The following FOSL2 variants were observed in gnomAD, a reference collection of about 807,000 sequenced individuals.
The protein encoded by FOSL2 is fos-related antigen 2.
FOSL2 carries 3 observed loss-of-function variants against 27.7 expected under a neutral mutation model. The ratio of observed to expected loss-of-function variants is 0.11; its 90% CI spans 0.05 to 0.28. The LOEUF (loss-of-function observed/expected upper bound fraction) is 0.28, where lower values mean the gene tolerates loss of function less well. Among genes scored for constraint, FOSL2 ranks in the 10% least tolerant of loss-of-function variants. FOSL2 has a pLI of 1.00. For missense variants in FOSL2, 333 were observed against 445.1 expected (o/e 0.75, Z 2.27); for synonymous variants, 179 against 190.1 (o/e 0.94, Z 0.48).
chr2:28,393,399 G>C lies in FOSL2; in HGVS notation c.-322G>C. The C allele has an allele frequency of 3.1e-6, 1 of 324,436 alleles. No individual in the cohort carries two copies. Among genetic ancestry groups the C allele is most frequent in the African/African-American group, 2.2e-5 (1 of 45,294 alleles). The allele number at this position is 324,436 out of a possible 1,614,324, so 20.1% of individuals were successfully genotyped here. On this transcript the variant is annotated 5_prime_UTR_variant, in exon 1 of 4. Transcript: ENST00000264716. This position sits in a 1 kb window ranked among gnomAD's most constrained non-coding sequence, Gnocchi z 4.6. ...TGGGTCCCCGCTGAGCTCCGGCTGC[G>C]CGCGGGGGCGGGAGGGCGCGCGCAG... is the stretch of plus-strand genomic sequence containing the variant.
intron 1 of FOSL2, among the ~76,000 whole-genome samples, chr2:28,396,545 G>A (rs1286846225): frequency 6.6e-6 from 1 of 151,704 alleles, no homozygotes; most frequent in Middle Eastern, 3.2e-3. Context: ...TGACTATTAC[G>A]GTTTCAGGGC....
At chr2:28,394,179 G>T (rs1663756165) in intron 1 of FOSL2, among the ~76,000 whole-genome samples, 1 of 145,394 alleles carries the variant, frequency 6.9e-6, no homozygotes, top group Admixed American at 7.2e-5. Context: ...CTCTCTGGGT[G>T]GTGGACAGAC....
chr2:28,397,009 C>A (rs966864822), intron 1 of FOSL2: 1 of 152,074 alleles, frequency 6.6e-6, no homozygotes, highest in Non-Finnish European at 1.5e-5. Flanking sequence ...TTTTTCCAGT[C>A]CCAGAGAGTG....
At chr2:28,394,255 T>A (rs1468793349) in intron 1 of FOSL2, among the ~76,000 whole-genome samples, 2 of 148,790 alleles carry the variant, frequency 1.3e-5, no homozygotes, top group African/African-American at 2.5e-5. Context: ...AGGAAAGCCC[T>A]CTCTCTCTCC....
At position 28,413,551 on chromosome 2, in the gene FOSL2, A is replaced by G. The variant is rs1414861024; in HGVS notation, c.*1103A>G. The G allele has an allele frequency of 5.0e-6, 2 of 398,568 alleles. No homozygotes were observed. The highest frequency in any genetic ancestry group is 2.1e-5 in the African/African-American group (1 of 48,608). 24.7% of individuals were successfully genotyped at this position (398,568 alleles called of 1,614,324 possible). On this transcript the variant is annotated 3_prime_UTR_variant, in exon 4 of 4. Coordinates refer to ENST00000264716, the MANE Select transcript of FOSL2 (RefSeq NM_005253.4). The stretch of plus-strand genomic sequence containing the variant: ...GCCCCTCCCCAAGCCTCAAAGAAGC[A>G]TTTGCTGAGGATGGAGAGGCAGGGG...
intron 2 of FOSL2, among the ~76,000 whole-genome samples, chr2:28,405,813 C>T (rs1209286578): frequency 2.0e-5 from 3 of 152,202 alleles, no homozygotes; most frequent in Non-Finnish European, 4.4e-5. Flanking sequence ...CAGTATCCTC[C>T]TCACAGTTGC....
At chr2:28,397,526 G>A (rs1169183610) in intron 1 of FOSL2, among the ~76,000 whole-genome samples, 1 of 152,180 alleles carries the variant, frequency 6.6e-6, no homozygotes, top group Non-Finnish European at 1.5e-5. Context: ...AGGGAATGGG[G>A]TGAAATAGCA....
At chr2:28,397,456 C>T (rs1663870979) in intron 1 of FOSL2, among the ~76,000 whole-genome samples, 1 of 152,002 alleles carries the variant, frequency 6.6e-6, no homozygotes, top group Non-Finnish European at 1.5e-5. Flanking sequence ...AATGTTATCC[C>T]AAGAATTTGT....
At chr2:28,409,770 C>T (rs548881882) in intron 3 of FOSL2, among the ~76,000 whole-genome samples, 38 of 152,270 alleles carry the variant, frequency 2.5e-4, no homozygotes, top group East Asian at 1.4e-3. Flanking sequence ...GATGGAGTTT[C>T]GCTCTTGTCG....
At position 28,414,550 on chromosome 2, in the gene FOSL2, G is replaced by C. The variant is rs1336705656; in HGVS notation, c.*2102G>C. On this transcript the variant is annotated 3_prime_UTR_variant, in exon 4 of 4. Transcript: ENST00000264716. ...AGCAGGAGATGGGCAAAGAAAACTGGGGTGCACTCAGCTCTCACAGGGGTA... is the reference window on the plus strand; with the variant it reads ...AGCAGGAGATGGGCAAAGAAAACTGCGGTGCACTCAGCTCTCACAGGGGTA... The C allele has an allele frequency of 1.3e-5, 2 of 152,110 alleles. No individual in the cohort carries two copies. Among genetic ancestry groups the C allele is most frequent in the Admixed American group, 1.3e-4 (2 of 15,276 alleles). 9.4% of individuals were successfully genotyped at this position (152,110 alleles called of 1,614,324 possible).
chr2:28,410,506 C>T (rs1438818913), intron 3 of FOSL2: 1 of 984,486 alleles, frequency 1.0e-6, no homozygotes, highest in South Asian at 4.7e-5. Flanking sequence ...GTTCGTCAGA[C>T]CCTTGAGACA....
chr2:28,411,709 AGTT>A (rs1246069631), intron 3 of FOSL2, among the ~76,000 whole-genome samples: 2 of 150,948 alleles, frequency 1.3e-5, no homozygotes, highest in East Asian at 1.9e-4. Flanking sequence ...TGGCAGCTGC[AGTT>A]GTTGTCTTAC....
At chr2:28,401,110 T>G in intron 1 of FOSL2, among the ~76,000 whole-genome samples, 1 of 151,954 alleles carries the variant, frequency 6.6e-6, no homozygotes, top group Non-Finnish European at 1.5e-5. Flanking sequence ...CTGGCACTTC[T>G]CCCCAGAGCC....
rs1232311729 is a variant in FOSL2 at position 28,404,308 on chromosome 2, G to A, written c.304G>A (p.Val102Met). The change falls in exon 2 of 4, where the codon GTG becomes ATG. Residue 102 changes from valine (V) to methionine (M), a missense_variant. Transcript: ENST00000264716. The surrounding 1 kb of genome is among the most constrained non-coding windows in gnomAD (Gnocchi z 4.7). ...ACACATGGCCCTCCCAAGACCTGGCGTGATCAAGACCATTGGCACCACCGT... is the reference window on the plus strand; with the variant it reads ...ACACATGGCCCTCCCAAGACCTGGCATGATCAAGACCATTGGCACCACCGT... ...PGHMALPRPG[V>M]IKTIGTTVGR... 5.0e-6 allele frequency: 8 copies of A among 1,614,136 alleles called. No homozygotes were observed. Among genetic ancestry groups the A allele is most frequent in the Admixed American group, 1.7e-5 (1 of 60,028 alleles).
intron 1 of FOSL2, among the ~76,000 whole-genome samples, chr2:28,400,292 G>A (rs1039823): frequency 0.53 from 80,886 of 152,052 alleles, 22,923 homozygotes; most frequent in African/African-American, 0.72. Flanking sequence ...TAACTCGTCC[G>A]TAGAGAACCA....
In FOSL2 at chr2:28,414,169, A is replaced by T. The variant is rs1387318616; in HGVS notation, c.*1721A>T. On this transcript the variant is annotated 3_prime_UTR_variant, in exon 4 of 4. Transcript: ENST00000264716. ...AGGTCACAGTATCCTCGTTTGAAAG[A>T]TAATTAAGATCCCCCGTGGAGAAAG... 4.2e-6 allele frequency: 1 copy of T among 239,864 alleles called. No homozygotes were observed. Among genetic ancestry groups the T allele is most frequent in the Non-Finnish European group, 8.0e-6 (1 of 125,090 alleles). The allele number at this position is 239,864 out of a possible 1,614,324, so 14.9% of individuals were successfully genotyped here.
chr2:28,406,424 C>T (rs1017441562), intron 2 of FOSL2, among the ~76,000 whole-genome samples: 3 of 152,194 alleles, frequency 2.0e-5, no homozygotes, highest in Non-Finnish European at 4.4e-5. Flanking sequence ...TCCAGAGGGA[C>T]TTTGGAGACC....
At chr2:28,396,774 A>G (rs1258309269) in intron 1 of FOSL2, 3 of 122,718 alleles carry the variant, frequency 2.4e-5, no homozygotes, top group Non-Finnish European at 1.7e-5. Flanking sequence ...TTCTTCCTCA[A>G]CCACCCCTTC....
chr2:28,395,845 G>A (rs769449793), intron 1 of FOSL2: 1 of 152,166 alleles, frequency 6.6e-6, no homozygotes, highest in Non-Finnish European at 1.5e-5. Context: ...GGTGGGGGAC[G>A]AGGAGGAACT....
Sources: allele counts gnomAD v4.1 joint callset (sites outside exome capture counted in the v4.1 genomes callset), GRCh38; gene constraint gnomAD v4.1.1; non-coding constraint Gnocchi (gnomAD v3.1); transcripts MANE v1.5; gene names NCBI Gene and HGNC (gene_info 2026-07-23, HGNC 2026-07-21).